Variants in UFD1 observed in about 807,000 individuals in gnomAD.
UFD1 encodes ubiquitin recognition factor in ER-associated degradation protein 1.
In UFD1, 13 loss-of-function variants were observed where a neutral mutation model predicts 45.9. That is an observed-to-expected ratio of 0.28 (90% CI 0.18 to 0.45). The LOEUF (loss-of-function observed/expected upper bound fraction) is 0.45, where lower values mean the gene tolerates loss of function less well. Among genes scored for constraint, UFD1 ranks in the 20% least tolerant of loss-of-function variants. The pLI is 1.00. For synonymous variants in UFD1, 128 were observed against 139.2 expected (o/e 0.92, Z 0.56); for missense variants, 218 against 389.2 (o/e 0.56, Z 3.70).
Position 19,455,675 on chromosome 22 carries a change from C to G in UFD1, c.767+5G>C. ...TGTCCTGGAGGAGAGCCAGGACAGA[C>G]CTACCTTTTAATATCTCCAGGCTTG... On this transcript the variant is annotated splice_donor_5th_base_variant and intron_variant, in intron 10 of 11. Coordinates refer to ENST00000263202, the MANE Select transcript of UFD1 (RefSeq NM_005659.7). 6.2e-7 allele frequency: 1 copy of G among 1,613,642 alleles called. No individual in the cohort carries two copies. The highest frequency in any genetic ancestry group is 8.5e-7 in the Non-Finnish European group (1 of 1,179,736).
intron 11 of UFD1, chr22:19,453,847 C>T (rs1371643985): frequency 1.0e-6 from 1 of 985,362 alleles, no homozygotes; most frequent in African/African-American, 1.7e-5. Flanking sequence ...AGTACATCTG[C>T]CCTCTGCCCT....
At chr22:19,459,813 A>AACCTCCG (rs2089752240) in intron 6 of UFD1, among the ~76,000 whole-genome samples, 1 of 136,216 alleles carries the variant, frequency 7.3e-6, no homozygotes, top group Admixed American at 8.7e-5. Context: ...GTCTTGGCTC[A>AACCTCCG]CTGCAACCTC....
rs757581827 is a variant in UFD1 at position 19,471,824 on chromosome 22, A to C, written c.170-16T>G. ...TTAAGTCGGCCTGAAAATAAGAGAG[A>C]GACTATGAGGCACAGCTCCTATGAA... is the stretch of plus-strand genomic sequence containing the variant. On this transcript the variant is annotated splice_polypyrimidine_tract_variant and intron_variant, in intron 3 of 11. Transcript: ENST00000263202. The C allele has an allele frequency of 3.1e-6, 5 of 1,611,380 alleles. No individual in the cohort carries two copies. In the South Asian group the frequency reaches 4.4e-5, roughly 14 times the overall value.
intron 11 of UFD1, 131 bp from the exon 12 acceptor site, chr22:19,450,875 C>T (rs1202759818): frequency 9.2e-6 from 14 of 1,527,862 alleles, no homozygotes; most frequent in Non-Finnish European, 1.2e-5. Context: ...ATAGCTGACA[C>T]CTGTAATCCC....
chr22:19,467,181 T>C (rs906935095), intron 5 of UFD1: 2 of 149,046 alleles, frequency 1.3e-5, no homozygotes, highest in Non-Finnish European at 3.0e-5. Flanking sequence ...TTTTCAAGTA[T>C]GCATTAAAAA....
chr22:19,450,768 T>G, intron 11 of UFD1, 24 bp from the exon 12 acceptor site: 1 of 1,614,040 alleles, frequency 6.2e-7, no homozygotes, highest in South Asian at 1.1e-5. Flanking sequence ...GAAGATACTA[T>G]TTTCAGAAAC....
chr22:19,471,305 T>C (rs1282288990), intron 4 of UFD1: 4 of 533,776 alleles, frequency 7.5e-6, no homozygotes, highest in Admixed American at 1.9e-5. Context: ...ACATGTATGC[T>C]GTGACAGACT....
chr22:19,471,896 C>CG, intron 3 of UFD1, 88 bp from the exon 4 acceptor site: 1 of 1,530,566 alleles, frequency 6.5e-7, no homozygotes, highest in Non-Finnish European at 8.8e-7. Context: ...AGCCTCCCCA[C>CG]AATCCTGCCC....
intron 9 of UFD1, 62 bp from the exon 10 acceptor site, chr22:19,455,830 T>C (rs1166533259): frequency 6.6e-6 from 10 of 1,506,934 alleles, no homozygotes; most frequent in Non-Finnish European, 9.2e-6. Flanking sequence ...TGTCCTTTGC[T>C]TGGAGATCAC....
At chr22:19,473,266 T>G (rs2089858717) in intron 3 of UFD1, among the ~76,000 whole-genome samples, 1 of 152,202 alleles carries the variant, frequency 6.6e-6, no homozygotes, top group Non-Finnish European at 1.5e-5. Context: ...CAAACTGCAT[T>G]TTGTGACTTA....
chr22:19,470,916 G>A, intron 4 of UFD1: 1 of 442,232 alleles, frequency 2.3e-6, no homozygotes, highest in Non-Finnish European at 4.5e-6. Flanking sequence ...GCTCACTGCG[G>A]GGTCTCTCAG....
rs1319866516 is a variant in UFD1, at chr22:19,456,793, G to T, written c.630+60C>A. ...TAGCAGAGGCCACCCACGAGCCACT[G>T]CCAGGAACTCAAAAGCAGCATGCAG... On this transcript the variant is annotated intron_variant, in intron 8 of 11. Transcript: ENST00000263202. 7 of 1,613,868 alleles carry T rather than the reference G, an allele frequency of 4.3e-6. No individual in the cohort carries two copies. The African/African-American group carries it at 6.7e-5, about 15-fold the overall frequency.
At chr22:19,468,570 T>C (rs2089820865) in intron 4 of UFD1, among the ~76,000 whole-genome samples, 1 of 152,084 alleles carries the variant, frequency 6.6e-6, no homozygotes, top group African/African-American at 2.4e-5. Flanking sequence ...CGGAAAGAGA[T>C]AAACAATGCC....
At chr22:19,472,643 G>A (rs73383682) in intron 3 of UFD1, among the ~76,000 whole-genome samples, 3,903 of 152,316 alleles carry the variant, frequency 0.026, 173 homozygotes, top group African/African-American at 0.088. Flanking sequence ...GGAGAAGACC[G>A]AGAAGGAACT....
intron 6 of UFD1, among the ~76,000 whole-genome samples, chr22:19,459,808 GGCT>G (rs2089752215): frequency 7.1e-6 from 1 of 141,034 alleles, no homozygotes; most frequent in Admixed American, 7.5e-5. Flanking sequence ...GTATGGTCTT[GGCT>G]CACTGCAACC....
intron 7 of UFD1, among the ~76,000 whole-genome samples, chr22:19,457,632 G>T (rs1004637553): frequency 1.3e-5 from 2 of 152,108 alleles, no homozygotes; most frequent in Admixed American, 1.3e-4. Flanking sequence ...GGCCAACATG[G>T]TAAAACCCTG....
intron 8 of UFD1, 88 bp downstream of exon 8, chr22:19,456,765 C>T: frequency 6.2e-7 from 1 of 1,613,556 alleles, no homozygotes. Flanking sequence ...ACTACACCAA[C>T]ACTAGCAGAG....
intron 6 of UFD1, among the ~76,000 whole-genome samples, chr22:19,464,720 G>A (rs1330416351): frequency 2.0e-5 from 3 of 152,202 alleles, no homozygotes; most frequent in Non-Finnish European, 4.4e-5. Flanking sequence ...CCCAGGAGGA[G>A]AGGTGAGCCT....
intron 2 of UFD1, 67 bp from the exon 3 acceptor site, chr22:19,475,167 C>A (rs1239514910): frequency 2.7e-6 from 4 of 1,493,512 alleles, no homozygotes; most frequent in Non-Finnish European, 2.7e-6. Context: ...AGGCAAGATG[C>A]AGTTTCTTTA....
Sources: allele counts gnomAD v4.1 joint callset (sites outside exome capture counted in the v4.1 genomes callset), GRCh38; gene constraint gnomAD v4.1.1; transcripts MANE v1.5; gene names NCBI Gene and HGNC (gene_info 2026-07-23, HGNC 2026-07-21).